CYB5B: variants seen among roughly 807,000 people sequenced by gnomAD.
The protein encoded by CYB5B is cytochrome b5 type B (outer mitochondrial membrane).
CYB5B carries 14 observed loss-of-function variants against 21.3 expected under a neutral mutation model. The ratio of observed to expected loss-of-function variants is 0.66; its 90% CI spans 0.43 to 1.03. The LOEUF is 1.03. Among genes scored for constraint, CYB5B ranks in the 50% least tolerant of loss-of-function variants. The pLI, the probability that CYB5B is intolerant of heterozygous loss-of-function variation, is 0.00. For missense variants in CYB5B, 166 were observed against 185.1 expected (o/e 0.90, Z 0.60); for synonymous variants, 69 against 68.4 (o/e 1.01, Z -0.04).
chr16:69,431,823 C>G (rs577950765), intron 1 of CYB5B, among the ~76,000 whole-genome samples: 36 of 152,156 alleles, frequency 2.4e-4, no homozygotes, highest in African/African-American at 7.5e-4. Flanking sequence ...AGCTACCATT[C>G]TAGAGGAGTC....
At chr16:69,456,101 T>C (rs2014981801) in intron 3 of CYB5B, among the ~76,000 whole-genome samples, 1 of 152,166 alleles carries the variant, frequency 6.6e-6, no homozygotes, top group African/African-American at 2.4e-5. Context: ...ATTTCCTTTT[T>C]CCCTAAAAAG....
intron 3 of CYB5B, among the ~76,000 whole-genome samples, chr16:69,452,292 C>G (rs1001981025): frequency 1.7e-5 from 2 of 117,870 alleles, no homozygotes; most frequent in South Asian, 2.9e-4. Flanking sequence ...CCAGCCTGGG[C>G]GACAGAGCGA....
rs34120910 is a variant in CYB5B, at chr16:69,459,070, ATTT to A, written c.334-10_334-8del. 26 of 1,368,332 alleles carry A rather than the reference ATTT, an allele frequency of 1.9e-5. No homozygotes were observed. The highest frequency in any genetic ancestry group is 6.5e-5 in the Admixed American group (3 of 46,108). 84.8% of individuals were successfully genotyped at this position (1,368,332 alleles called of 1,614,324 possible). On this transcript the variant is annotated intron_variant, in intron 3 of 4. Coordinates refer to ENST00000307892, the MANE Select transcript of CYB5B (RefSeq NM_030579.3). ...CTTTCTTTTTGTTTGTTATTTTTGA[ATTT>A]TTTTTTTTTTTTATTTCAGGACCCT...
intron 3 of CYB5B, chr16:69,450,251 T>G (rs1053903767): frequency 2.1e-5 from 3 of 141,308 alleles, no homozygotes; most frequent in Admixed American, 7.1e-5. Flanking sequence ...CCCAAAAAAC[T>G]ATTGAGCCTT....
rs144699186 is a variant in CYB5B, at chr16:69,460,913, G to A, written c.363-1517G>A. ...AGTTATTGTTGAACCTGAATCTCCT[G>A]TGATGCAGTATAAATGTATTTCCTC... On this transcript the variant is annotated intron_variant, in intron 4 of 4. Coordinates refer to ENST00000307892, the MANE Select transcript of CYB5B (RefSeq NM_030579.3). 4.6e-3 allele frequency among the ~76,000 whole-genome samples: 699 copies of A among 152,340 alleles called. 3 individuals carry two copies. Among genetic ancestry groups the A allele is most frequent in the African/African-American group, 0.014 (596 of 41,580 alleles).
At position 69,464,397 on chromosome 16, in the gene CYB5B, G is replaced by A. The variant is rs1019206134; in HGVS notation, c.*1877G>A. ...TAAGACAATATTGAAAAAAACTTTG[G>A]TTATTATTTAACAAAAGTGGTATGA... is the stretch of plus-strand genomic sequence containing the variant. On this transcript the variant is annotated 3_prime_UTR_variant, in exon 5 of 5. Coordinates refer to ENST00000307892, the MANE Select transcript of CYB5B (RefSeq NM_030579.3). 1 of 152,104 alleles carries A rather than the reference G, an allele frequency of 6.6e-6. No homozygotes were observed. Among genetic ancestry groups the A allele is most frequent in the African/African-American group, 2.4e-5 (1 of 41,416 alleles). The allele number at this position is 152,104 out of a possible 1,614,324, so 9.4% of individuals were successfully genotyped here.
Position 69,442,619 on chromosome 16 carries a change from G to A in CYB5B, c.175-4531G>A, listed in dbSNP as rs539952789. 8.6e-5 allele frequency among the ~76,000 whole-genome samples: 13 copies of A among 151,926 alleles called. No individual in the cohort carries two copies. In the South Asian group the frequency reaches 2.5e-3, roughly 29 times the overall value. Reference sequence around the variant, plus strand: ...GCCTCGAATTCCTTGGCTTCTGGATGATCCTCCTAATTCAGCTTCCTGAGT... The same window carrying A: ...GCCTCGAATTCCTTGGCTTCTGGATAATCCTCCTAATTCAGCTTCCTGAGT... On this transcript the variant is annotated intron_variant, in intron 1 of 4. Coordinates refer to ENST00000307892, the MANE Select transcript of CYB5B (RefSeq NM_030579.3).
At position 69,454,158 on chromosome 16, in the gene CYB5B, T is replaced by C. The variant is rs2014961546; in HGVS notation, c.334-4935T>C. On this transcript the variant is annotated intron_variant, in intron 3 of 4. Coordinates refer to ENST00000307892, the MANE Select transcript of CYB5B (RefSeq NM_030579.3). ...CCTGTGAATGTGTTAATTTTTTTTC[T>C]TGAGTGAGGTGTTATATATTTTATC... 1.3e-5 allele frequency among the ~76,000 whole-genome samples: 2 copies of C among 152,240 alleles called. 1 individual carries two copies. The highest frequency in any genetic ancestry group is 4.1e-4 in the South Asian group (2 of 4,836).
chr16:69,424,931 G>C, intron 1 of CYB5B, 74 bp downstream of exon 1: 3 of 1,377,080 alleles, frequency 2.2e-6, no homozygotes, highest in Non-Finnish European at 2.9e-6. Flanking sequence ...AGTGTATGTG[G>C]GAAGGAAGGG....
intron 3 of CYB5B, among the ~76,000 whole-genome samples, chr16:69,455,400 CTTTTT>C (rs67183796): frequency 2.2e-4 from 27 of 122,998 alleles, no homozygotes; most frequent in Non-Finnish European, 2.9e-4. Flanking sequence ...TTGTTGTTCT[CTTTTT>C]TTTTTTTTTT....
chr16:69,436,872 C>T (rs1044814236), intron 1 of CYB5B, among the ~76,000 whole-genome samples: 7 of 152,178 alleles, frequency 4.6e-5, no homozygotes, highest in African/African-American at 9.7e-5. Context: ...CTCCTCTATT[C>T]TGCCCATCAG....
intron 1 of CYB5B, chr16:69,443,259 C>T (rs2014843668): frequency 6.5e-6 from 1 of 153,222 alleles, no homozygotes; most frequent in Non-Finnish European, 1.5e-5. Flanking sequence ...TTGAACATAA[C>T]TTCAAAGTGA....
intron 1 of CYB5B, among the ~76,000 whole-genome samples, chr16:69,431,193 T>C (rs2090031554): frequency 1.3e-5 from 2 of 151,418 alleles, no homozygotes; most frequent in Non-Finnish European, 2.9e-5. Context: ...TTCACCATGT[T>C]AGGTAGGCTG....
At chr16:69,437,336 T>G (rs1381551839) in intron 1 of CYB5B, among the ~76,000 whole-genome samples, 1 of 152,156 alleles carries the variant, frequency 6.6e-6, no homozygotes, top group Admixed American at 6.5e-5. Flanking sequence ...GAATGTTTTT[T>G]TGCAAATTCA....
At chr16:69,438,517 T>C (rs905313946) in intron 1 of CYB5B, among the ~76,000 whole-genome samples, 2 of 147,944 alleles carry the variant, frequency 1.4e-5, no homozygotes, top group African/African-American at 5.2e-5. Flanking sequence ...ACCAGCAATG[T>C]ACAAAGATCC....
chr16:69,437,597 T>A (rs188130275), intron 1 of CYB5B, among the ~76,000 whole-genome samples: 89 of 152,246 alleles, frequency 5.8e-4, no homozygotes, highest in African/African-American at 2.0e-3. Context: ...TACTCTTTCT[T>A]TTATTGTGGT....
chr16:69,458,330 A>G (rs1488120944), intron 3 of CYB5B, among the ~76,000 whole-genome samples: 1 of 152,188 alleles, frequency 6.6e-6, no homozygotes. Flanking sequence ...GCCCTAGGCA[A>G]CCACTACTAA....
chr16:69,456,850 A>C (rs577600047), intron 3 of CYB5B, among the ~76,000 whole-genome samples: 1 of 152,334 alleles, frequency 6.6e-6, no homozygotes, highest in Admixed American at 6.5e-5. Flanking sequence ...GTTTAAAAAC[A>C]AGCGATTTGG....
rs950938560 is a variant in CYB5B at position 69,464,120 on chromosome 16, C to T, written c.*1600C>T. 1 of 152,196 alleles carries T rather than the reference C, an allele frequency of 6.6e-6. No homozygotes were observed. Among genetic ancestry groups the T allele is most frequent in the South Asian group, 2.1e-4 (1 of 4,832 alleles). The allele number at this position is 152,196 out of a possible 1,614,324, so 9.4% of individuals were successfully genotyped here. A position where few individuals can be genotyped will look rare whatever the true frequency, so the allele number is the denominator to read the frequency against. On this transcript the variant is annotated 3_prime_UTR_variant, in exon 5 of 5. Transcript: ENST00000307892. ...GCCAGGGATTTGATGAGACAGGAAACTGCCCAGCAAACCAGGGACTGCCCA... is the reference window on the plus strand; with the variant it reads ...GCCAGGGATTTGATGAGACAGGAAATTGCCCAGCAAACCAGGGACTGCCCA...
Sources: allele counts gnomAD v4.1 joint callset (sites outside exome capture counted in the v4.1 genomes callset), GRCh38; gene constraint gnomAD v4.1.1; transcripts MANE v1.5; gene names NCBI Gene and HGNC (gene_info 2026-07-23, HGNC 2026-07-21).